CNBD1: variants seen among roughly 807,000 people sequenced by gnomAD.
The protein encoded by CNBD1 is cyclic nucleotide-binding domain-containing protein 1.
CNBD1 carries 71 observed loss-of-function variants against 54.4 expected under a neutral mutation model. That is an observed-to-expected ratio of 1.30 (90% CI 1.08 to 1.59). The LOEUF is 1.59. Among genes scored for constraint, CNBD1 ranks in the 40% most tolerant of loss-of-function variants. The probability of loss-of-function intolerance (pLI) is 0.00; values close to 1 mark genes in which losing one functional copy is unlikely to be tolerated. For missense variants in CNBD1, 659 were observed against 518.0 expected (o/e 1.27, Z -2.64); for synonymous variants, 182 against 170.7 (o/e 1.07, Z -0.51).
intron 4 of CNBD1, among the ~76,000 whole-genome samples, chr8:87,025,391 C>A (rs60353954): frequency 1.3e-5 from 2 of 152,182 alleles, no homozygotes; most frequent in African/African-American, 2.4e-5. Context: ...GTCCACACAA[C>A]CTTTGTGAGC....
intron 8 of CNBD1, among the ~76,000 whole-genome samples, chr8:87,308,120 T>C (rs1290305967): frequency 6.6e-6 from 1 of 152,146 alleles, no homozygotes; most frequent in African/African-American, 2.4e-5. Flanking sequence ...TTTTCCTGAT[T>C]GTTCTAGGAA....
Position 87,296,206 on chromosome 8 carries a change from T to C in CNBD1, c.1042+9535T>C, listed in dbSNP as rs570887821. Among the ~76,000 whole-genome samples the C allele has an allele frequency of 4.6e-5, 7 of 152,360 alleles. No individual in the cohort carries two copies. The South Asian group carries it at 1.4e-3, about 32-fold the overall frequency. Reference sequence around the variant, plus strand: ...ATTGGATGTTGTGATCCACCATTCCTGTCTTCTACCCATAGGAGTGCATTA... The same window carrying C: ...ATTGGATGTTGTGATCCACCATTCCCGTCTTCTACCCATAGGAGTGCATTA... On this transcript the variant is annotated intron_variant, in intron 8 of 10. Transcript: ENST00000518476.
chr8:87,230,555 T>C (rs1447126022), intron 5 of CNBD1, among the ~76,000 whole-genome samples: 8 of 150,308 alleles, frequency 5.3e-5, no homozygotes, highest in Non-Finnish European at 7.4e-5. Flanking sequence ...GAAATTAATG[T>C]ACTTTGTAAC....
intron 10 of CNBD1, among the ~76,000 whole-genome samples, chr8:87,373,189 T>C (rs2130950694): frequency 6.6e-6 from 1 of 151,832 alleles, no homozygotes; most frequent in Admixed American, 6.6e-5. Context: ...AAAAAGCAAA[T>C]GTTATTGAAA....
chr8:87,073,929 G>A (rs554589176), intron 4 of CNBD1, among the ~76,000 whole-genome samples: 44 of 151,994 alleles, frequency 2.9e-4, no homozygotes, highest in African/African-American at 6.3e-4. Context: ...ATGAAACCCC[G>A]TCTCTACTAA....
At chr8:87,238,375 G>A (rs1440793969) in intron 6 of CNBD1, among the ~76,000 whole-genome samples, 2 of 152,066 alleles carry the variant, frequency 1.3e-5, no homozygotes, top group Non-Finnish European at 2.9e-5. Context: ...ATTGCCCATG[G>A]GGTAGGCTTA....
intron 4 of CNBD1, among the ~76,000 whole-genome samples, chr8:87,117,234 T>C (rs563658486): frequency 1.3e-5 from 2 of 151,520 alleles, no homozygotes; most frequent in East Asian, 3.9e-4. Flanking sequence ...TCATCTCTAC[T>C]AAAAAAATGC....
intron 4 of CNBD1, among the ~76,000 whole-genome samples, chr8:86,967,318 G>A (rs1169330667): frequency 2.0e-5 from 3 of 152,248 alleles, no homozygotes; most frequent in Non-Finnish European, 2.9e-5. Context: ...AAGAAGGCTC[G>A]GATACACAGC....
intron 4 of CNBD1, among the ~76,000 whole-genome samples, chr8:86,941,930 A>G (rs1387330352): frequency 1.3e-5 from 2 of 152,174 alleles, no homozygotes; most frequent in Non-Finnish European, 2.9e-5. Context: ...AGTAGAGAAG[A>G]TCCTGATGTA....
At chr8:87,380,024 GT>G (rs762662280) in intron 10 of CNBD1, among the ~76,000 whole-genome samples, 8 of 149,346 alleles carry the variant, frequency 5.4e-5, no homozygotes, top group Non-Finnish European at 8.8e-5. Context: ...CACTTGGGAG[GT>G]TTTAGATAAT....
intron 8 of CNBD1, among the ~76,000 whole-genome samples, chr8:87,334,337 T>G (rs775986254): frequency 1.5e-4 from 23 of 152,120 alleles, no homozygotes; most frequent in Non-Finnish European, 3.1e-4. Context: ...GCTCCTGGAT[T>G]CATTGATTTT....
intron 6 of CNBD1, among the ~76,000 whole-genome samples, chr8:87,278,014 G>A (rs1314678129): frequency 6.6e-6 from 1 of 151,516 alleles, no homozygotes; most frequent in Non-Finnish European, 1.5e-5. Flanking sequence ...GAAAATGGAA[G>A]CTTCATAACT....
intron 4 of CNBD1, among the ~76,000 whole-genome samples, chr8:86,972,496 C>T (rs1167810593): frequency 6.6e-6 from 1 of 152,148 alleles, no homozygotes; most frequent in African/African-American, 2.4e-5. Context: ...ACCTGAGTCT[C>T]TTCATTTTTA....
chr8:87,351,669 T>C lies in CNBD1; in HGVS notation c.1043-16T>C. ...AGACAAGAATGTGTGAAATGAACTA[T>C]CTCTCTTCTTTTCAGTGATAGTGGA... is the stretch of plus-strand genomic sequence containing the variant. On this transcript the variant is annotated splice_polypyrimidine_tract_variant and intron_variant, in intron 8 of 10. Transcript: ENST00000518476. 1 of 1,476,620 alleles carries C rather than the reference T, an allele frequency of 6.8e-7. No individual in the cohort carries two copies. Among genetic ancestry groups the C allele is most frequent in the Non-Finnish European group, 9.0e-7 (1 of 1,116,162 alleles). 91.5% of individuals were successfully genotyped at this position (1,476,620 alleles called of 1,614,324 possible).
At chr8:87,185,819 C>G (rs1813463157) in intron 4 of CNBD1, among the ~76,000 whole-genome samples, 1 of 152,098 alleles carries the variant, frequency 6.6e-6, no homozygotes. Flanking sequence ...TTTTTCTCCT[C>G]TACAATAATT....
At chr8:86,913,189 G>C (rs1809130663) in intron 3 of CNBD1, among the ~76,000 whole-genome samples, 1 of 152,148 alleles carries the variant, frequency 6.6e-6, no homozygotes, top group African/African-American at 2.4e-5. Context: ...TAAGTGTACA[G>C]TGTTTTTAAA....
chr8:87,364,604 G>A (rs919937801), intron 10 of CNBD1, among the ~76,000 whole-genome samples: 1 of 151,692 alleles, frequency 6.6e-6, no homozygotes, highest in Non-Finnish European at 1.5e-5. Context: ...ATCAAGCCTA[G>A]TTCCCATTAG....
At chr8:87,352,655 G>A (rs1810329187) in intron 9 of CNBD1, among the ~76,000 whole-genome samples, 1 of 152,020 alleles carries the variant, frequency 6.6e-6, no homozygotes, top group African/African-American at 2.4e-5. Flanking sequence ...ACTATGTAGG[G>A]CCAAAATGCC....
chr8:87,048,490 A>G (rs1027922577), intron 4 of CNBD1, among the ~76,000 whole-genome samples: 1 of 152,136 alleles, frequency 6.6e-6, no homozygotes, highest in African/African-American at 2.4e-5. Flanking sequence ...TCTATTTTTC[A>G]TAAAGACTGT....
Sources: allele counts gnomAD v4.1 joint callset (sites outside exome capture counted in the v4.1 genomes callset), GRCh38; gene constraint gnomAD v4.1.1; transcripts MANE v1.5; gene names NCBI Gene and HGNC (gene_info 2026-07-23, HGNC 2026-07-21).